NIPA1: variants seen among roughly 807,000 people sequenced by gnomAD.
NIPA1 encodes magnesium transporter NIPA1.
NIPA1 carries 13 observed loss-of-function variants against 23.9 expected under a neutral mutation model. The ratio of observed to expected loss-of-function variants is 0.54; its 90% CI spans 0.35 to 0.87. NIPA1 has a LOEUF of 0.87. NIPA1 is among the 40% of genes least tolerant of loss of function. The probability of loss-of-function intolerance (pLI) is 0.01; values close to 1 mark genes in which losing one functional copy is unlikely to be tolerated. For synonymous variants in NIPA1, 234 were observed against 202.9 expected (o/e 1.15, Z -1.30); for missense variants, 362 against 429.7 (o/e 0.84, Z 1.39).
intron 3 of NIPA1, among the ~76,000 whole-genome samples, chr15:22,818,752 G>T (rs912514206): frequency 3.3e-5 from 5 of 152,044 alleles, no homozygotes; most frequent in African/African-American, 1.2e-4. Context: ...AGTCGAGACT[G>T]CTCCACTGCA....
At chr15:22,786,520 T>TCCCGCC (rs1894700114), upstream of NIPA1, 1 of 172,570 alleles carries the variant, frequency 5.8e-6, no homozygotes, top group Admixed American at 6.5e-5. Flanking sequence ...GGCACCCCCG[T>TCCCGCC]CCCGCCCCCG....
chr15:22,798,114 C>T (rs898626234), intron 1 of NIPA1, among the ~76,000 whole-genome samples: 45 of 147,482 alleles, frequency 3.1e-4, no homozygotes, highest in Admixed American at 1.7e-3. Flanking sequence ...CCTAAAATGC[C>T]GGGATTACAG....
chr15:22,790,475 G>A (rs1894804286), intron 1 of NIPA1, among the ~76,000 whole-genome samples: 1 of 149,228 alleles, frequency 6.7e-6, no homozygotes, highest in South Asian at 2.1e-4. Context: ...AGGCTGGAGT[G>A]CAATGGTGCA....
chr15:22,805,903 TTTTA>T (rs1425970608), intron 1 of NIPA1, among the ~76,000 whole-genome samples: 2 of 151,992 alleles, frequency 1.3e-5, no homozygotes, highest in African/African-American at 4.8e-5. Flanking sequence ...TAAAGCTGTA[TTTTA>T]TTTATTTTTT....
chr15:22,814,582 GAA>G (rs746557948), intron 3 of NIPA1, among the ~76,000 whole-genome samples: 14 of 96,222 alleles, frequency 1.5e-4, no homozygotes, highest in Non-Finnish European at 2.0e-4. Flanking sequence ...CATAGAAACA[GAA>G]ATGAAAAGAA....
Position 22,814,724 on chromosome 15 carries a change from G to T in NIPA1, c.317+2471G>T, listed in dbSNP as rs548739399. Among the ~76,000 whole-genome samples, 9 of 152,246 alleles carry T rather than the reference G, an allele frequency of 5.9e-5. No homozygotes were observed. The South Asian group carries it at 1.7e-3, about 28-fold the overall frequency. On this transcript the variant is annotated intron_variant, in intron 3 of 4. Transcript: ENST00000337435. ...CTGTACATGCTGTGTTTAGAAAGAGGTTTAAAAAACTTTTGGGAAATATTT... is the reference window on the plus strand; with the variant it reads ...CTGTACATGCTGTGTTTAGAAAGAGTTTTAAAAAACTTTTGGGAAATATTT...
intron 4 of NIPA1, among the ~76,000 whole-genome samples, chr15:22,823,470 G>T (rs1270912485): frequency 6.6e-6 from 1 of 152,194 alleles, no homozygotes; most frequent in Non-Finnish European, 1.5e-5. Flanking sequence ...AAAGTGCTGG[G>T]ATTACAGGCA....
At chr15:22,804,589 T>G (rs1383972692) in intron 1 of NIPA1, among the ~76,000 whole-genome samples, 1 of 152,150 alleles carries the variant, frequency 6.6e-6, no homozygotes, top group Non-Finnish European at 1.5e-5. Flanking sequence ...GCTTTAGTGT[T>G]TAGCGTTAGG....
chr15:22,824,294 C>T lies in NIPA1; in HGVS notation c.*55C>T. On this transcript the variant is annotated 3_prime_UTR_variant, in exon 5 of 5. Transcript: ENST00000337435. This position sits in a 1 kb window ranked among gnomAD's most constrained non-coding sequence, Gnocchi z 4.1. ...AATAGGCATTGGAGGTGGTTTCTGG[C>T]CGTGATTGGATGTGAAGTAGAAGAG... is the stretch of plus-strand genomic sequence containing the variant. 1 of 1,444,904 alleles carries T rather than the reference C, an allele frequency of 6.9e-7. No homozygotes were observed. The highest frequency in any genetic ancestry group is 9.7e-7 in the Non-Finnish European group (1 of 1,027,030). The allele number at this position is 1,444,904 out of a possible 1,614,324, so 89.5% of individuals were successfully genotyped here.
chr15:22,800,568 G>A (rs1409171661), intron 1 of NIPA1, among the ~76,000 whole-genome samples: 1 of 151,906 alleles, frequency 6.6e-6, no homozygotes, highest in African/African-American at 2.4e-5. Flanking sequence ...TGAGGTGAGC[G>A]GATCACCTGA....
chr15:22,810,211 T>C (rs994286638), intron 1 of NIPA1, among the ~76,000 whole-genome samples: 3 of 152,166 alleles, frequency 2.0e-5, no homozygotes, highest in Non-Finnish European at 4.4e-5. Context: ...CCTGAGAGGA[T>C]GCCGGCAAGT....
chr15:22,795,906 G>A (rs999075686), intron 1 of NIPA1, among the ~76,000 whole-genome samples: 3 of 152,026 alleles, frequency 2.0e-5, no homozygotes, highest in Non-Finnish European at 4.4e-5. Flanking sequence ...GGTGGTTAGG[G>A]GGAAGATAGA....
chr15:22,800,066 A>G (rs1895042781), intron 1 of NIPA1, among the ~76,000 whole-genome samples: 1 of 151,538 alleles, frequency 6.6e-6, no homozygotes, highest in Admixed American at 6.6e-5. Flanking sequence ...GTTGGGTACT[A>G]TGTGCACTAT....
chr15:22,803,275 G>C (rs1895125511), intron 1 of NIPA1, among the ~76,000 whole-genome samples: 1 of 151,956 alleles, frequency 6.6e-6, no homozygotes, highest in African/African-American at 2.4e-5. Flanking sequence ...AAAGTGCTGG[G>C]ATTATAGGCA....
Position 22,829,746 on chromosome 15 carries a change from A to C in NIPA1, c.*5507A>C, listed in dbSNP as rs1473057876. 1 of 152,148 alleles carries C rather than the reference A, an allele frequency of 6.6e-6. No individual in the cohort carries two copies. Among genetic ancestry groups the C allele is most frequent in the Non-Finnish European group, 1.5e-5 (1 of 68,020 alleles). The allele number at this position is 152,148 out of a possible 1,614,324, so 9.4% of individuals were successfully genotyped here. A position where few individuals can be genotyped will look rare whatever the true frequency, so the allele number is the denominator to read the frequency against. On this transcript the variant is annotated 3_prime_UTR_variant, in exon 5 of 5. Transcript: ENST00000337435. Reference sequence around the variant, plus strand: ...ATTAAGTTTTCCAGTAATATTTATTAATCTGTATGTGTTTTAAAATAAAAT... The same window carrying C: ...ATTAAGTTTTCCAGTAATATTTATTCATCTGTATGTGTTTTAAAATAAAAT...
chr15:22,805,956 C>T (rs1895199055), intron 1 of NIPA1, among the ~76,000 whole-genome samples: 1 of 152,058 alleles, frequency 6.6e-6, no homozygotes, highest in South Asian at 2.1e-4. Context: ...TGGAGTCTCA[C>T]TCTGTCGCCC....
chr15:22,816,485 C>CTTTTTTTTTTTTTTTTTTTTTTT lies in NIPA1; in HGVS notation c.318-3828_318-3827insTTTTTTTTTTTTTTTTTTTTTTT, dbSNP rs1566786330. Among the ~76,000 whole-genome samples, 2 of 52,678 alleles carry CTTTTTTTTTTTTTTTTTTTTTTT rather than the reference C, an allele frequency of 3.8e-5. 1 individual carries two copies. The highest frequency in any genetic ancestry group is 8.2e-5 in the Non-Finnish European group (2 of 24,274). 34.6% of individuals were successfully genotyped at this position (52,678 alleles called of 152,430 possible). ...TACAGGTGTGAGCCACCGCACCCAG[C>CTTTTTTTTTTTTTTTTTTTTTTT]CTTTTTTTTTTTTTTTTTTTTTTTC... On this transcript the variant is annotated intron_variant, in intron 3 of 4. Transcript: ENST00000337435.
At chr15:22,810,044 C>T (rs1895288888) in intron 1 of NIPA1, among the ~76,000 whole-genome samples, 1 of 124,334 alleles carries the variant, frequency 8.0e-6, no homozygotes, top group Non-Finnish European at 1.5e-5. Context: ...GAAACTCTGC[C>T]TCAAAAAAAA....
intron 1 of NIPA1, among the ~76,000 whole-genome samples, chr15:22,809,957 C>T (rs1261628151): frequency 3.9e-5 from 6 of 152,000 alleles, no homozygotes; most frequent in Non-Finnish European, 8.8e-5. Flanking sequence ...GCAGGAGAAT[C>T]GCTTGAACCT....
Sources: gnomAD v4.1 joint callset for allele counts (sites outside exome capture counted in the v4.1 genomes callset) on GRCh38, gnomAD v4.1.1 for gene constraint, Gnocchi (gnomAD v3.1) non-coding constraint, MANE v1.5 for transcripts, NCBI Gene and HGNC (gene_info 2026-07-23, HGNC 2026-07-21) for gene names.